Variants in TRANK1 observed in about 807,000 individuals in gnomAD.
TRANK1 encodes TPR and ankyrin repeat-containing protein 1.
TRANK1 carries 198 observed loss-of-function variants against 266.0 expected under a neutral mutation model. That is an observed-to-expected ratio of 0.74 (90% confidence interval 0.66 to 0.84). The LOEUF is 0.84. Ranked by LOEUF, TRANK1 falls within the 40% of genes least tolerant of loss-of-function variation. The pLI is 0.00. For missense variants in TRANK1, 3,326 were observed against 3,634.6 expected, an observed-to-expected ratio of 0.92 and a Z score of 2.18; for synonymous variants, 1,396 against 1,384.1, an observed-to-expected ratio of 1.01 and a Z score of -0.19.
At chr3:36,842,965 C>T (rs536992956) in intron 17 of TRANK1, among the ~76,000 whole-genome samples, 40 of 152,278 alleles carry the variant, frequency 2.6e-4, no homozygotes, top group South Asian at 1.0e-3. Context: ...GAACACGGGG[C>T]GACCCCAGGG....
At chr3:36,842,787 A>G (rs2125522260) in intron 17 of TRANK1, 77 bp from the exon 18 acceptor site, 2 of 1,247,884 alleles carry the variant, frequency 1.6e-6, no homozygotes, top group Admixed American at 2.0e-5. Context: ...GCTGAGTTGC[A>G]TCTCCTCCGC....
chr3:36,941,713 G>A (rs906090466), intron 1 of TRANK1, among the ~76,000 whole-genome samples: 9 of 152,074 alleles, frequency 5.9e-5, no homozygotes, highest in South Asian at 2.1e-4. Flanking sequence ...TCTCCCCATC[G>A]CTGTAACCAG....
chr3:36,915,301 T>C (rs2080109578), intron 1 of TRANK1, among the ~76,000 whole-genome samples: 1 of 152,222 alleles, frequency 6.6e-6, no homozygotes, highest in African/African-American at 2.4e-5. Context: ...ATATTCATAG[T>C]GATGTTTTGA....
chr3:36,934,561 G>A (rs530250439), intron 1 of TRANK1, among the ~76,000 whole-genome samples: 43 of 152,088 alleles, frequency 2.8e-4, no homozygotes, highest in South Asian at 1.0e-3. Context: ...ATAATACCAG[G>A]GGTGTCCTAC....
rs2078638494 is a variant in TRANK1, at chr3:36,826,951, G to C, written c.*1324C>G. 1 of 152,062 alleles carries C rather than the reference G, an allele frequency of 6.6e-6. No individual in the cohort carries two copies. Among genetic ancestry groups the C allele is most frequent in the Non-Finnish European group, 1.5e-5 (1 of 68,020 alleles). The allele number at this position is 152,062 out of a possible 1,614,324, so 9.4% of individuals were successfully genotyped here. ...TAGAAACATAATCTAAGAAAAATTG[G>C]AAACAAGCATTTCAAGGAAACAATT... On this transcript the variant is annotated 3_prime_UTR_variant, in exon 24 of 24. Coordinates refer to ENST00000645898, the MANE Select transcript of TRANK1 (RefSeq NM_001329998.2).
intron 1 of TRANK1, among the ~76,000 whole-genome samples, chr3:36,943,195 G>A (rs1300266895): frequency 4.0e-5 from 6 of 151,760 alleles, no homozygotes; most frequent in South Asian, 2.1e-4. Context: ...CCCTCTGGTG[G>A]GGGGTGGGGG....
chr3:36,894,310 A>C (rs2079756235), intron 5 of TRANK1, among the ~76,000 whole-genome samples: 1 of 152,216 alleles, frequency 6.6e-6, no homozygotes. Flanking sequence ...AGTAAATTAA[A>C]CTATCTTCCT....
At chr3:36,894,282 G>A (rs530891847) in intron 5 of TRANK1, among the ~76,000 whole-genome samples, 52 of 152,328 alleles carry the variant, frequency 3.4e-4, no homozygotes, top group Non-Finnish European at 5.4e-4. Context: ...GAGAGGACAA[G>A]GTTCTTTCCC....
chr3:36,940,078 G>A (rs898266547), intron 1 of TRANK1, among the ~76,000 whole-genome samples: 1 of 151,592 alleles, frequency 6.6e-6, no homozygotes, highest in Non-Finnish European at 1.5e-5. Flanking sequence ...TTTTAATGGA[G>A]ACAGGGTTTC....
chr3:36,928,925 A>T (rs1288366098), intron 1 of TRANK1, among the ~76,000 whole-genome samples: 4 of 152,172 alleles, frequency 2.6e-5, no homozygotes, highest in South Asian at 4.1e-4. Context: ...TATAAAAAAT[A>T]AAATGTTTAA....
chr3:36,910,773 T>C (rs866764257), intron 1 of TRANK1, among the ~76,000 whole-genome samples: 17 of 148,608 alleles, frequency 1.1e-4, no homozygotes, highest in South Asian at 6.4e-4. Flanking sequence ...AAAATCATGT[T>C]GCAAAAGACC....
At chr3:36,880,281 T>C in intron 8 of TRANK1, 4 of 368,968 alleles carry the variant, frequency 1.1e-5, no homozygotes, top group South Asian at 4.7e-5. Context: ...CAGCATCAAG[T>C]TGGCCCCATT....
At position 36,900,851 on chromosome 3, in the gene TRANK1, C is replaced by CAAAAAAAAAAAAAAAAAAAAAAAAAA. The variant is rs138198488; in HGVS notation, c.283-1593_283-1592insTTTTTTTTTTTTTTTTTTTTTTTTTT. Reference sequence around the variant, plus strand: ...TGGGTGACAAAGCAAGACCCTGTCTCAAAAAAAAAAAAAAAAAAAAAAAAA... The same window carrying CAAAAAAAAAAAAAAAAAAAAAAAAAA: ...TGGGTGACAAAGCAAGACCCTGTCTCAAAAAAAAAAAAAAAAAAAAAAAAAAAAAAAAAAAAAAAAAAAAAAAAAAA... On this transcript the variant is annotated intron_variant, in intron 3 of 23. Transcript: ENST00000645898. Among the ~76,000 whole-genome samples, 267 of 62,968 alleles carry CAAAAAAAAAAAAAAAAAAAAAAAAAA rather than the reference C, an allele frequency of 4.2e-3. 28 individuals carry two copies. Among genetic ancestry groups the CAAAAAAAAAAAAAAAAAAAAAAAAAA allele is most frequent in the Middle Eastern group, 8.9e-3 (1 of 112 alleles). The allele number at this position is 62,968 out of a possible 152,430, so 41.3% of individuals were successfully genotyped here. A position where few individuals can be genotyped will look rare whatever the true frequency, so the allele number is the denominator to read the frequency against.
intron 8 of TRANK1, among the ~76,000 whole-genome samples, chr3:36,886,547 T>G (rs2079608641): frequency 6.6e-6 from 1 of 152,170 alleles, no homozygotes; most frequent in Non-Finnish European, 1.5e-5. Context: ...ATAGAGCACT[T>G]GAAATGCATG....
At chr3:36,930,210 C>T (rs2080342696) in intron 1 of TRANK1, among the ~76,000 whole-genome samples, 1 of 152,128 alleles carries the variant, frequency 6.6e-6, no homozygotes, top group East Asian at 1.9e-4. Context: ...AAGGAGTGGG[C>T]CCATCACTGC....
At chr3:36,843,015 G>A in intron 17 of TRANK1, among the ~76,000 whole-genome samples, 1 of 152,216 alleles carries the variant, frequency 6.6e-6, no homozygotes, top group East Asian at 1.9e-4. Flanking sequence ...AGGACACAGA[G>A]TGGCTGGCTG....
chr3:36,907,893 G>A (rs576800197), intron 2 of TRANK1, among the ~76,000 whole-genome samples: 1 of 152,296 alleles, frequency 6.6e-6, no homozygotes, highest in South Asian at 2.1e-4. Context: ...AGCATGTTGT[G>A]ATACTACAAT....
At chr3:36,908,491 C>T (rs866178650) in intron 1 of TRANK1, 37 bp from the exon 2 acceptor site, 2 of 1,231,996 alleles carry the variant, frequency 1.6e-6, no homozygotes, top group South Asian at 4.1e-5. Context: ...CTGCCAGACC[C>T]GTGCAGGGCA....
At chr3:36,904,704 T>C (rs373491960) in intron 2 of TRANK1, among the ~76,000 whole-genome samples, 2 of 152,146 alleles carry the variant, frequency 1.3e-5, no homozygotes, top group East Asian at 1.9e-4. Context: ...ACATTCCCTC[T>C]AGGTGAAGGG....
Sources: gnomAD v4.1 joint callset for allele counts (sites outside exome capture counted in the v4.1 genomes callset) on GRCh38, gnomAD v4.1.1 for gene constraint, MANE v1.5 for transcripts, NCBI Gene and HGNC (gene_info 2026-07-23, HGNC 2026-07-21) for gene names.